ITSN2: variants seen among roughly 807,000 people sequenced by gnomAD.
The protein encoded by ITSN2 is intersectin 2.
A neutral mutation model predicts 243.7 loss-of-function variants in ITSN2; 156 were observed. The observed-to-expected ratio is 0.64, with a 90% CI of 0.56 to 0.73. The LOEUF (loss-of-function observed/expected upper bound fraction) is 0.73, where lower values mean the gene tolerates loss of function less well. Among genes scored for constraint, ITSN2 ranks in the 30% least tolerant of loss-of-function variants. The pLI is 0.00. For missense variants in ITSN2, 1,801 were observed against 1,996.1 expected (o/e 0.90, Z 1.86); for synonymous variants, 703 against 699.9 (o/e 1.00, Z -0.07).
At chr2:24,219,484 G>T (rs1200083237) in intron 30 of ITSN2, among the ~76,000 whole-genome samples, 6 of 152,184 alleles carry the variant, frequency 3.9e-5, no homozygotes, top group Non-Finnish European at 8.8e-5. Flanking sequence ...GGAAGAGTCT[G>T]GCTGTCCATC....
intron 1 of ITSN2, among the ~76,000 whole-genome samples, chr2:24,339,960 C>T (rs138099875): frequency 6.6e-6 from 1 of 151,770 alleles, no homozygotes; most frequent in African/African-American, 2.4e-5. Flanking sequence ...CATTTGAGCC[C>T]GGGAGTTCAA....
intron 1 of ITSN2, among the ~76,000 whole-genome samples, chr2:24,357,475 G>A (rs573650438): frequency 1.3e-5 from 2 of 151,992 alleles, no homozygotes; most frequent in Non-Finnish European, 2.9e-5. Context: ...GACCTGTTGT[G>A]GGGGGGCAAT....
rs1203366307 is a variant in ITSN2, at chr2:24,261,200, G to A, written c.2588C>T (p.Ser863Phe). 6.8e-6 allele frequency: 11 copies of A among 1,612,600 alleles called. No homozygotes were observed. Among genetic ancestry groups the A allele is most frequent in the Non-Finnish European group, 9.3e-6 (11 of 1,178,834 alleles). ...PASVTDYQNV[S>F]FSNLTVNTSW... ...TGTATTTACAGTTAGGTTTGAAAAA[G>A]ATACATTTTGATAATCAGTCACTGA... is the stretch of plus-strand genomic sequence containing the variant. The change falls in exon 22 of 40, where the codon TCT becomes TTT. Residue 863 changes from serine (S) to phenylalanine (F), a missense_variant. Transcript: ENST00000355123.
At chr2:24,276,480 CTT>C (rs1678026970) in intron 17 of ITSN2, among the ~76,000 whole-genome samples, 2 of 152,198 alleles carry the variant, frequency 1.3e-5, no homozygotes, top group African/African-American at 4.8e-5. Context: ...CGTCTACAGA[CTT>C]TGTCTTTAAA....
chr2:24,251,913 ACTT>A (rs1157465512), intron 25 of ITSN2, among the ~76,000 whole-genome samples: 1 of 152,186 alleles, frequency 6.6e-6, no homozygotes, highest in East Asian at 1.9e-4. Flanking sequence ...CAAAAAGAGA[ACTT>A]CTGCACTATA....
chr2:24,271,071 T>G (rs1677280308), intron 19 of ITSN2, among the ~76,000 whole-genome samples: 2 of 151,638 alleles, frequency 1.3e-5, no homozygotes, highest in African/African-American at 2.4e-5. Flanking sequence ...CTGTACAAAG[T>G]GGAAGGAGAC....
chr2:24,309,381 TAG>T (rs1478597720), intron 7 of ITSN2, among the ~76,000 whole-genome samples: 1 of 152,152 alleles, frequency 6.6e-6, no homozygotes, highest in Non-Finnish European at 1.5e-5. Context: ...GCATTTTTAG[TAG>T]AGACAGGGTT....
At chr2:24,243,993 T>G (rs562812809) in intron 29 of ITSN2, among the ~76,000 whole-genome samples, 1 of 152,204 alleles carries the variant, frequency 6.6e-6, no homozygotes, top group Non-Finnish European at 1.5e-5. Flanking sequence ...TTCTACTGGA[T>G]AGTGCTGTTT....
chr2:24,229,406 T>C (rs781428381), intron 29 of ITSN2, among the ~76,000 whole-genome samples: 7 of 152,074 alleles, frequency 4.6e-5, no homozygotes, highest in Admixed American at 3.9e-4. Flanking sequence ...CTGGCTAACA[T>C]GGCGAAACCC....
At chr2:24,305,495 G>A (rs993151292) in intron 8 of ITSN2, among the ~76,000 whole-genome samples, 2 of 146,422 alleles carry the variant, frequency 1.4e-5, no homozygotes, top group Non-Finnish European at 3.0e-5. Context: ...AGAATCGCTG[G>A]AACCCGGGGA....
intron 29 of ITSN2, among the ~76,000 whole-genome samples, chr2:24,222,744 C>T (rs1199267711): frequency 3.6e-5 from 5 of 140,084 alleles, no homozygotes; most frequent in Admixed American, 1.6e-4. Context: ...GCGCAAATCT[C>T]GGCTCACTGC....
chr2:24,352,473 T>A (rs1197192996), intron 1 of ITSN2, among the ~76,000 whole-genome samples: 1 of 152,190 alleles, frequency 6.6e-6, no homozygotes, highest in African/African-American at 2.4e-5. Context: ...AAAAAAGTTA[T>A]CATTTCTATC....
intron 1 of ITSN2, among the ~76,000 whole-genome samples, chr2:24,359,723 G>A (rs1460506851): frequency 6.6e-6 from 1 of 152,078 alleles, no homozygotes; most frequent in African/African-American, 2.4e-5. Context: ...AGTCAATAAC[G>A]CTGAAGGTAA....
intron 29 of ITSN2, among the ~76,000 whole-genome samples, chr2:24,227,329 C>T (rs2151183879): frequency 6.9e-6 from 1 of 145,916 alleles, no homozygotes; most frequent in Admixed American, 6.8e-5. Context: ...GGGAAAAATC[C>T]ACCATAAATT....
chr2:24,325,505 ATATATC>A (rs1685071816), intron 2 of ITSN2, among the ~76,000 whole-genome samples: 3 of 152,158 alleles, frequency 2.0e-5, no homozygotes, highest in African/African-American at 7.2e-5. Context: ...TCTTATTTAA[ATATATC>A]AACTAACAGA....
chr2:24,356,345 C>CAAAAA (rs70944743), intron 1 of ITSN2, among the ~76,000 whole-genome samples: 1 of 109,394 alleles, frequency 9.1e-6, no homozygotes. Context: ...GACCCTGTCT[C>CAAAAA]AAAAAAAAAA....
At chr2:24,302,388 C>T (rs539024454) in intron 9 of ITSN2, among the ~76,000 whole-genome samples, 106 of 151,944 alleles carry the variant, frequency 7.0e-4, no homozygotes, top group Admixed American at 1.8e-3. Context: ...TTAGTAGAGA[C>T]GGGGTTTCAC....
chr2:24,231,011 A>C (rs62139992), intron 29 of ITSN2, among the ~76,000 whole-genome samples: 32 of 152,132 alleles, frequency 2.1e-4, no homozygotes, highest in African/African-American at 7.5e-4. Context: ...GCAGGTGCAA[A>C]ATCTGCCCAG....
chr2:24,266,788 A>T (rs11125518), intron 20 of ITSN2, among the ~76,000 whole-genome samples: 136,344 of 141,366 alleles, frequency 0.96, 66,003 homozygotes, highest in East Asian at 0.99. Context: ...AAAAAAAAAA[A>T]TAGCCAGGTG....
Sources: allele counts gnomAD v4.1 joint callset (sites outside exome capture counted in the v4.1 genomes callset), GRCh38; gene constraint gnomAD v4.1.1; transcripts MANE v1.5; gene names NCBI Gene and HGNC (gene_info 2026-07-23, HGNC 2026-07-21).